Variants in SYCP1 observed in about 807,000 individuals in gnomAD.
SYCP1 encodes the protein cancer/testis antigen 8.
Under a neutral mutation model 153.1 loss-of-function variants are expected in SYCP1, and 64 were observed. That is an observed-to-expected ratio of 0.42 (90% CI 0.34 to 0.51). The LOEUF (loss-of-function observed/expected upper bound fraction) is 0.51, where lower values mean the gene tolerates loss of function less well. Ranked by LOEUF, SYCP1 falls within the 20% of genes least tolerant of loss-of-function variation. The pLI, the probability that SYCP1 is intolerant of heterozygous loss-of-function variation, is 0.06. For missense variants in SYCP1, 997 were observed against 1,049.0 expected (o/e 0.95, Z 0.68); for synonymous variants, 384 against 341.8 (o/e 1.12, Z -1.36).
intron 27 of SYCP1, among the ~76,000 whole-genome samples, chr1:114,960,099 T>A (rs939876499): frequency 3.3e-5 from 5 of 151,996 alleles, no homozygotes; most frequent in Non-Finnish European, 1.5e-5. Flanking sequence ...CTTTTGGGTA[T>A]ATACCTAGCA....
At chr1:114,922,709 AC>A (rs1668979398) in intron 20 of SYCP1, among the ~76,000 whole-genome samples, 1 of 152,056 alleles carries the variant, frequency 6.6e-6, no homozygotes, top group South Asian at 2.1e-4. Context: ...ACTTCCCCGC[AC>A]CCAAATCTCA....
intron 29 of SYCP1, 59 bp downstream of exon 29, chr1:114,981,571 G>A: frequency 3.5e-6 from 5 of 1,436,708 alleles, no homozygotes; most frequent in Non-Finnish European, 4.7e-6. Flanking sequence ...ATAAAGTTCT[G>A]TTATCACCAT....
intron 5 of SYCP1, among the ~76,000 whole-genome samples, chr1:114,857,759 T>C (rs1352680442): frequency 6.6e-6 from 1 of 152,108 alleles, no homozygotes; most frequent in Non-Finnish European, 1.5e-5. Context: ...CAAGAGAGTA[T>C]TTTACAAAAT....
intron 16 of SYCP1, among the ~76,000 whole-genome samples, chr1:114,897,156 AATAAGG>A (rs1476138626): frequency 2.0e-5 from 3 of 152,152 alleles, no homozygotes; most frequent in African/African-American, 7.2e-5. Context: ...CTGCCATTAG[AATAAGG>A]ATAAGGATAA....
intron 16 of SYCP1, among the ~76,000 whole-genome samples, chr1:114,902,005 G>C (rs536190028): frequency 9.9e-5 from 15 of 152,166 alleles, no homozygotes; most frequent in Admixed American, 4.6e-4. Flanking sequence ...GATGGAGCTG[G>C]ACTCCTTGGC....
At chr1:114,940,654 T>G (rs901905438) in intron 23 of SYCP1, among the ~76,000 whole-genome samples, 6 of 152,224 alleles carry the variant, frequency 3.9e-5, no homozygotes, top group African/African-American at 1.4e-4. Context: ...ACTTTAGTAC[T>G]TTGAAATTTA....
chr1:114,974,428 G>T (rs796124666), intron 27 of SYCP1, among the ~76,000 whole-genome samples: 5 of 151,940 alleles, frequency 3.3e-5, no homozygotes, highest in African/African-American at 1.2e-4. Flanking sequence ...TATTCATCCT[G>T]TTGTGCAACA....
At chr1:114,885,368 A>G (rs906037769) in intron 12 of SYCP1, among the ~76,000 whole-genome samples, 167 bp from the exon 13 acceptor site, 1 of 152,146 alleles carries the variant, frequency 6.6e-6, no homozygotes, top group Non-Finnish European at 1.5e-5. Flanking sequence ...TGAAAAGTCA[A>G]TAAAGCTTGA....
At chr1:114,888,441 G>A (rs190427340) in intron 15 of SYCP1, among the ~76,000 whole-genome samples, 150 of 150,920 alleles carry the variant, frequency 9.9e-4, no homozygotes, top group African/African-American at 3.4e-3. Context: ...ATCTAGTATC[G>A]GAAATGTGTG....
Position 114,878,098 on chromosome 1 carries a change from C to A in SYCP1, c.806C>A (p.Ser269Ter). 6.6e-7 allele frequency: 1 copy of A among 1,519,712 alleles called. No homozygotes were observed. Among genetic ancestry groups the A allele is most frequent in the South Asian group, 1.2e-5 (1 of 84,694 alleles). The allele number at this position is 1,519,712 out of a possible 1,614,324, so 94.1% of individuals were successfully genotyped here. ...KEINDKEKQVSLLLIQITEKE... is the reference protein window; with the variant it reads ...KEINDKEKQV The stretch of plus-strand genomic sequence containing the variant: ...TGTATTATTTAAATATTTTAGGTAT[C>A]ACTACTATTGATCCAAATCACTGAG... Residue 269 changes from serine (S) to a stop codon, truncating the protein, a stop_gained, in exon 12 of 32, where the codon TCA becomes TAA. Transcript: ENST00000369522. LOFTEE classifies it high-confidence loss of function.
Position 114,898,312 on chromosome 1 carries a change from A to G in SYCP1, c.1320+2803A>G, listed in dbSNP as rs560538803. ...TGACATGCCCAGATAACTGGTGGCT[A>G]TCATTATGCTTGCTAAGATTTGGGT... On this transcript the variant is annotated intron_variant, in intron 16 of 31. Coordinates refer to ENST00000369522, the MANE Select transcript of SYCP1 (RefSeq NM_003176.4). Among the ~76,000 whole-genome samples the G allele has an allele frequency of 2.6e-5, 4 of 152,312 alleles. No homozygotes were observed. The South Asian group carries it at 8.3e-4, about 32-fold the overall frequency.
At chr1:114,933,663 T>G (rs998752545) in intron 23 of SYCP1, among the ~76,000 whole-genome samples, 9 of 152,136 alleles carry the variant, frequency 5.9e-5, no homozygotes, top group African/African-American at 2.2e-4. Flanking sequence ...TGAGAAAAGA[T>G]TAGACAGACG....
intron 27 of SYCP1, among the ~76,000 whole-genome samples, chr1:114,967,485 G>C (rs1201214332): frequency 6.6e-6 from 1 of 152,104 alleles, no homozygotes; most frequent in Non-Finnish European, 1.5e-5. Context: ...TCAGAGACTA[G>C]GATTGCAATC....
At chr1:114,955,831 C>A (rs1570855583) in intron 27 of SYCP1, among the ~76,000 whole-genome samples, 1 of 152,114 alleles carries the variant, frequency 6.6e-6, no homozygotes, top group Non-Finnish European at 1.5e-5. Context: ...GAGTTTGCTC[C>A]CAGGTTCAAG....
At chr1:114,856,757 A>C in intron 3 of SYCP1, 100 bp downstream of exon 3, 5 of 886,060 alleles carry the variant, frequency 5.6e-6, no homozygotes, top group Non-Finnish European at 8.4e-6. Flanking sequence ...TATAAGTATA[A>C]TTGACACAAA....
At chr1:114,905,992 G>A (rs1667783702) in intron 16 of SYCP1, among the ~76,000 whole-genome samples, 1 of 151,766 alleles carries the variant, frequency 6.6e-6, no homozygotes, top group Admixed American at 6.6e-5. Context: ...TGGAGATGGA[G>A]TCTTGTTCTG....
chr1:114,926,351 T>G lies in SYCP1; in HGVS notation c.1863+11T>G, dbSNP rs1285266344. ...GAACTTCAGCAGGAGGTATGTATTT[T>G]TTATAAATATTCTCAAAATCAAACT... On this transcript the variant is annotated intron_variant, in intron 22 of 31. Transcript: ENST00000369522. The G allele has an allele frequency of 6.5e-7, 1 of 1,526,846 alleles. No individual in the cohort carries two copies. Among genetic ancestry groups the G allele is most frequent in the Non-Finnish European group, 8.8e-7 (1 of 1,135,664 alleles). 94.6% of individuals were successfully genotyped at this position (1,526,846 alleles called of 1,614,324 possible).
chr1:114,897,387 G>A (rs972849712), intron 16 of SYCP1, among the ~76,000 whole-genome samples: 2 of 152,176 alleles, frequency 1.3e-5, no homozygotes, highest in Non-Finnish European at 1.5e-5. Flanking sequence ...AAAATAAAAT[G>A]TGGGGTAGGT....
chr1:114,983,802 C>T (rs926602782), intron 29 of SYCP1, among the ~76,000 whole-genome samples: 7 of 151,882 alleles, frequency 4.6e-5, no homozygotes, highest in South Asian at 2.1e-4. Context: ...AAACTGATTC[C>T]GACAAGTTTT....
Sources: gnomAD v4.1 joint callset for allele counts (sites outside exome capture counted in the v4.1 genomes callset) on GRCh38, gnomAD v4.1.1 for gene constraint, MANE v1.5 for transcripts, NCBI Gene and HGNC (gene_info 2026-07-23, HGNC 2026-07-21) for gene names.